XKR9: variants seen among roughly 807,000 people sequenced by gnomAD.
XKR9 encodes XK related 9, also known as XK-related protein 9.
In XKR9, 32 loss-of-function variants were observed where a neutral mutation model predicts 32.0. The ratio of observed to expected loss-of-function variants is 1.00; its 90% CI spans 0.76 to 1.34. The LOEUF (loss-of-function observed/expected upper bound fraction) is 1.34, where lower values mean the gene tolerates loss of function less well. Ranked by LOEUF, XKR9 falls within the 40% of genes most tolerant of loss-of-function variation. The pLI, the probability that XKR9 is intolerant of heterozygous loss-of-function variation, is 0.00. For missense variants in XKR9, 546 were observed against 429.7 expected (o/e 1.27, Z -2.39); for synonymous variants, 168 against 143.4 (o/e 1.17, Z -1.22).
the XKR9 span, among the ~76,000 whole-genome samples, chr8:70,810,984 T>A: frequency 6.6e-6 from 1 of 152,294 alleles, no homozygotes; most frequent in Admixed American, 6.5e-5. Flanking sequence ...CAACAGAATG[T>A]ACATTCTTTT....
chr8:70,702,791 A>G (rs1307580439), intron 3 of XKR9, among the ~76,000 whole-genome samples: 1 of 152,094 alleles, frequency 6.6e-6, no homozygotes, highest in Non-Finnish European at 1.5e-5. Flanking sequence ...CTGAGTCTTT[A>G]TGTTTAAAGA....
the XKR9 span, among the ~76,000 whole-genome samples, chr8:71,063,487 A>T: frequency 1.3e-5 from 2 of 152,050 alleles, no homozygotes; most frequent in Non-Finnish European, 2.9e-5. Flanking sequence ...AAAATGACTG[A>T]ATTTACTAGC....
At chr8:70,718,601 T>C (rs1806170201) in intron 4 of XKR9, among the ~76,000 whole-genome samples, 1 of 152,198 alleles carries the variant, frequency 6.6e-6, no homozygotes, top group African/African-American at 2.4e-5. Context: ...GTTAGTTTGC[T>C]GAGAATGATG....
At chr8:70,883,993 A>G in the XKR9 span, among the ~76,000 whole-genome samples, 1 of 152,186 alleles carries the variant, frequency 6.6e-6, no homozygotes, top group Non-Finnish European at 1.5e-5. Context: ...ACCATTTTGC[A>G]TTCCCACCAG....
intron 2 of XKR9, among the ~76,000 whole-genome samples, chr8:70,748,493 C>G (rs1586881402): frequency 6.6e-6 from 1 of 152,200 alleles, no homozygotes; most frequent in Non-Finnish European, 1.5e-5. Context: ...CACAAACATG[C>G]CAGCCCCCTG....
chr8:71,006,341 T>C, the XKR9 span, among the ~76,000 whole-genome samples: 3 of 152,212 alleles, frequency 2.0e-5, no homozygotes, highest in South Asian at 4.1e-4. Flanking sequence ...AAGATTTTTT[T>C]TTTTAGCTCA....
chr8:70,716,280 GT>G (rs1026313599), intron 4 of XKR9, among the ~76,000 whole-genome samples: 14 of 152,154 alleles, frequency 9.2e-5, no homozygotes, highest in African/African-American at 3.4e-4. Context: ...AATATAGAGT[GT>G]TTTTTTGAAA....
the XKR9 span, among the ~76,000 whole-genome samples, chr8:70,904,051 T>C: frequency 6.6e-6 from 1 of 152,194 alleles, no homozygotes; most frequent in East Asian, 1.9e-4. Flanking sequence ...ATGTCGTCAA[T>C]ATTGGAATAA....
chr8:71,006,595 T>C, the XKR9 span, among the ~76,000 whole-genome samples: 5 of 152,274 alleles, frequency 3.3e-5, no homozygotes, highest in East Asian at 9.6e-4. Context: ...GAAAGAAACA[T>C]TACATAGAGG....
the XKR9 span, among the ~76,000 whole-genome samples, chr8:70,983,259 T>C: frequency 2.0e-5 from 3 of 152,214 alleles, no homozygotes; most frequent in Non-Finnish European, 4.4e-5. Flanking sequence ...TGACTATTCC[T>C]ATTTGTTCTT....
At chr8:70,947,412 A>G in the XKR9 span, among the ~76,000 whole-genome samples, 37 of 152,366 alleles carry the variant, frequency 2.4e-4, 1 homozygote, top group African/African-American at 8.7e-4. Context: ...AGGTCAAAGG[A>G]AAGGAAGAAT....
intron 2 of XKR9, among the ~76,000 whole-genome samples, chr8:70,747,912 C>T (rs566538360): frequency 3.3e-4 from 50 of 152,120 alleles, no homozygotes; most frequent in African/African-American, 1.1e-3. Context: ...ATAATGTCTT[C>T]ATGGACTATT....
chr8:70,961,847 T>A, the XKR9 span, among the ~76,000 whole-genome samples: 1 of 152,144 alleles, frequency 6.6e-6, no homozygotes, highest in Non-Finnish European at 1.5e-5. Context: ...AGAGCTAAAC[T>A]TTGGTGAACA....
the XKR9 span, among the ~76,000 whole-genome samples, chr8:70,922,971 G>A: frequency 1.5e-4 from 23 of 152,328 alleles, no homozygotes; most frequent in African/African-American, 5.5e-4. Context: ...GATATCAAAA[G>A]CAATCCCTGT....
the XKR9 span, among the ~76,000 whole-genome samples, chr8:70,819,161 G>A: frequency 2.6e-5 from 4 of 152,172 alleles, no homozygotes; most frequent in Admixed American, 1.3e-4. Context: ...TGTTTGTTTA[G>A]CACTGCATGG....
the XKR9 span, among the ~76,000 whole-genome samples, chr8:70,875,595 A>C: frequency 1.5e-4 from 23 of 152,318 alleles, no homozygotes; most frequent in African/African-American, 5.5e-4. Context: ...AAGGATGGTT[A>C]ATATCTGCCA....
At chr8:71,035,497 A>G in the XKR9 span, among the ~76,000 whole-genome samples, 1 of 152,202 alleles carries the variant, frequency 6.6e-6, no homozygotes, top group African/African-American at 2.4e-5. Context: ...ATTATCTTGT[A>G]TTTATCAGAC....
chr8:70,845,957 C>G, the XKR9 span, among the ~76,000 whole-genome samples: 1 of 152,030 alleles, frequency 6.6e-6, no homozygotes, highest in South Asian at 2.1e-4. Flanking sequence ...CTTACAGATC[C>G]CCGAGTAGAT....
At chr8:70,679,183 C>G (rs1332669800) in intron 2 of XKR9, among the ~76,000 whole-genome samples, 2 of 152,084 alleles carry the variant, frequency 1.3e-5, no homozygotes, top group East Asian at 3.9e-4. Context: ...GCTCATTTAT[C>G]CCTCCTTACC....
Sources: gnomAD v4.1 joint callset for allele counts (sites outside exome capture counted in the v4.1 genomes callset) on GRCh38, gnomAD v4.1.1 for gene constraint, MANE v1.5 for transcripts, NCBI Gene and HGNC (gene_info 2026-07-23, HGNC 2026-07-21) for gene names.